AGBL4: variants seen among roughly 807,000 people sequenced by gnomAD.
The protein encoded by AGBL4 is cytosolic carboxypeptidase 6.
Under a neutral mutation model 66.4 loss-of-function variants are expected in AGBL4, and 58 were observed. The ratio of observed to expected loss-of-function variants is 0.87; its 90% CI spans 0.71 to 1.09. AGBL4 has a LOEUF of 1.09. Among genes scored for constraint, AGBL4 ranks in the 50% least tolerant of loss-of-function variants. The probability of loss-of-function intolerance (pLI) is 0.00; values close to 1 mark genes in which losing one functional copy is unlikely to be tolerated. For synonymous variants in AGBL4, 234 were observed against 222.9 expected (o/e 1.05, Z -0.44); for missense variants, 579 against 631.0 (o/e 0.92, Z 0.88).
intron 3 of AGBL4, among the ~76,000 whole-genome samples, chr1:49,302,372 C>T (rs1335894760): frequency 1.3e-5 from 2 of 151,750 alleles, no homozygotes; most frequent in Non-Finnish European, 2.9e-5. Flanking sequence ...CCTGCCTCAG[C>T]CTCCCGAGTA....
intron 6 of AGBL4, among the ~76,000 whole-genome samples, chr1:48,680,027 A>G (rs1646430176): frequency 6.6e-6 from 1 of 152,214 alleles, no homozygotes; most frequent in East Asian, 1.9e-4. Context: ...TTCTTGGCAC[A>G]TTGTAAGGCT....
At chr1:48,885,530 A>G (rs1319574248) in intron 5 of AGBL4, among the ~76,000 whole-genome samples, 1 of 152,240 alleles carries the variant, frequency 6.6e-6, no homozygotes, top group Non-Finnish European at 1.5e-5. Context: ...GACCGGCCAC[A>G]TAATTTATGG....
At chr1:49,089,110 G>C (rs1375092952) in intron 4 of AGBL4, among the ~76,000 whole-genome samples, 1 of 151,674 alleles carries the variant, frequency 6.6e-6, no homozygotes, top group Non-Finnish European at 1.5e-5. Flanking sequence ...ACAGTGTTAA[G>C]AGAGAAGTTT....
chr1:48,644,466 G>A (rs547756068), intron 8 of AGBL4, among the ~76,000 whole-genome samples: 1 of 152,142 alleles, frequency 6.6e-6, no homozygotes, highest in Non-Finnish European at 1.5e-5. Flanking sequence ...GCAGCGCGGG[G>A]GCCAAGCCCA....
intron 5 of AGBL4, among the ~76,000 whole-genome samples, chr1:48,885,608 C>A (rs1039780615): frequency 6.6e-6 from 1 of 152,254 alleles, no homozygotes; most frequent in Admixed American, 6.5e-5. Context: ...ATTAGAGGTA[C>A]TAAAATATAA....
intron 8 of AGBL4, among the ~76,000 whole-genome samples, chr1:48,650,927 A>G (rs115443327): frequency 2.1e-3 from 318 of 152,332 alleles, no homozygotes; most frequent in African/African-American, 7.4e-3. Context: ...TGAACTCTGA[A>G]TATTTCCCCC....
At chr1:49,193,879 T>C (rs1184496195) in intron 4 of AGBL4, among the ~76,000 whole-genome samples, 1 of 152,202 alleles carries the variant, frequency 6.6e-6, no homozygotes, top group Non-Finnish European at 1.5e-5. Context: ...GAGAAGACAC[T>C]TGATATAATT....
intron 5 of AGBL4, among the ~76,000 whole-genome samples, chr1:48,921,351 C>T (rs111677896): frequency 6.6e-6 from 1 of 152,212 alleles, no homozygotes. Flanking sequence ...AAATTCCTAC[C>T]GTGACAGACT....
intron 2 of AGBL4, among the ~76,000 whole-genome samples, chr1:49,772,971 G>C (rs550327457): frequency 6.6e-6 from 1 of 152,140 alleles, no homozygotes; most frequent in South Asian, 2.1e-4. Flanking sequence ...ACACTCTATA[G>C]TGTAAATGTT....
At chr1:49,196,016 AG>A in intron 4 of AGBL4, among the ~76,000 whole-genome samples, 1 of 152,140 alleles carries the variant, frequency 6.6e-6, no homozygotes. Context: ...CATGTGAAGA[AG>A]GTCCTTGCTT....
chr1:49,966,947 T>A (rs1020336728), intron 1 of AGBL4, among the ~76,000 whole-genome samples: 2 of 152,166 alleles, frequency 1.3e-5, no homozygotes, highest in African/African-American at 4.8e-5. Context: ...CTATTGTGAA[T>A]AGTGCTGCAA....
chr1:48,982,997 A>G (rs984921409), intron 5 of AGBL4, among the ~76,000 whole-genome samples: 5 of 152,188 alleles, frequency 3.3e-5, no homozygotes, highest in Admixed American at 6.6e-5. Context: ...TGACAGGGTA[A>G]AAACAACAAA....
chr1:49,085,173 G>C (rs1470508752), intron 4 of AGBL4, among the ~76,000 whole-genome samples: 1 of 152,026 alleles, frequency 6.6e-6, no homozygotes, highest in African/African-American at 2.4e-5. Flanking sequence ...GAGCAAATTT[G>C]CTGTCTCTGC....
In AGBL4 at chr1:49,448,317, A is replaced by G. The variant is rs556850889; in HGVS notation, c.283-202453T>C. Among the ~76,000 whole-genome samples the G allele has an allele frequency of 3.3e-5, 5 of 152,260 alleles. No individual in the cohort carries two copies. The South Asian group carries it at 1.0e-3, about 32-fold the overall frequency. ...ACTCTCTCTCTCCCCACTTGATTTC[A>G]GATTCTGTGTTTATGTTGGCTTCCT... On this transcript the variant is annotated intron_variant, in intron 3 of 13. Transcript: ENST00000371839.
chr1:48,655,884 G>T (rs71647714), intron 7 of AGBL4, among the ~76,000 whole-genome samples: 5,907 of 152,248 alleles, frequency 0.039, 145 homozygotes, highest in Non-Finnish European at 0.058. Context: ...TTAGGAGAAA[G>T]AATTAAATAA....
chr1:49,534,171 C>CAAAAAAAAAAA (rs71059553), intron 3 of AGBL4, among the ~76,000 whole-genome samples: 8 of 67,054 alleles, frequency 1.2e-4, no homozygotes, highest in African/African-American at 1.7e-4. Flanking sequence ...CACCATTTTA[C>CAAAAAAAAAAA]AAAAAAAAAA....
chr1:49,632,774 A>T (rs1465529484), intron 3 of AGBL4, among the ~76,000 whole-genome samples: 3 of 152,104 alleles, frequency 2.0e-5, no homozygotes, highest in Non-Finnish European at 4.4e-5. Flanking sequence ...GGGTGAGCAA[A>T]CAGGAAGCAC....
intron 2 of AGBL4, among the ~76,000 whole-genome samples, chr1:49,812,917 G>A (rs1645133342): frequency 6.6e-6 from 1 of 152,114 alleles, no homozygotes; most frequent in Non-Finnish European, 1.5e-5. Context: ...GCAGTGCAAT[G>A]ATTGAAGAAG....
intron 6 of AGBL4, among the ~76,000 whole-genome samples, chr1:48,812,188 G>A (rs1406878554): frequency 6.6e-6 from 1 of 152,164 alleles, no homozygotes; most frequent in East Asian, 1.9e-4. Flanking sequence ...CAGGCCAAGA[G>A]GCATATTTCT....
Sources: allele counts gnomAD v4.1 joint callset (sites outside exome capture counted in the v4.1 genomes callset), GRCh38; gene constraint gnomAD v4.1.1; transcripts MANE v1.5; gene names NCBI Gene and HGNC (gene_info 2026-07-23, HGNC 2026-07-21).